The following NUFIP1 variants were observed in gnomAD, a reference collection of about 807,000 sequenced individuals.
NUFIP1 encodes the protein FMR1-interacting protein NUFIP1.
A neutral mutation model predicts 56.2 loss-of-function variants in NUFIP1; 38 were observed. The ratio of observed to expected loss-of-function variants is 0.68; its 90% confidence interval spans 0.52 to 0.89. The LOEUF is 0.89. NUFIP1 is among the 40% of genes least tolerant of loss of function. The pLI, the probability that NUFIP1 is intolerant of heterozygous loss-of-function variation, is 0.00. For synonymous variants in NUFIP1, 215 were observed against 212.4 expected (o/e 1.01, Z -0.10); for missense variants, 567 against 605.8 (o/e 0.94, Z 0.67).
chr13:44,971,891 G>A (rs1871817139), intron 5 of NUFIP1, among the ~76,000 whole-genome samples: 1 of 148,068 alleles, frequency 6.8e-6, no homozygotes, highest in Non-Finnish European at 1.5e-5. Flanking sequence ...CTGTCATGCA[G>A]CAACAGCAGC....
intron 6 of NUFIP1, among the ~76,000 whole-genome samples, chr13:44,964,628 GAA>G (rs1258704267): frequency 1.3e-5 from 2 of 152,070 alleles, no homozygotes; most frequent in African/African-American, 4.8e-5. Flanking sequence ...GAAAGAGAGA[GAA>G]CTCTAGAGAT....
Position 44,989,028 on chromosome 13 carries a change from C to T in NUFIP1, c.409G>A (p.Ala137Thr). Residue 137 changes from alanine to threonine, a missense_variant, in exon 1 of 10, where the codon GCA becomes ACA. Ala to Thr is a moderately conservative substitution (Grantham distance 58, BLOSUM62 0). Coordinates refer to ENST00000379161, the MANE Select transcript of NUFIP1 (RefSeq NM_012345.3). The part of the protein sequence containing the change: ...FPRHQKSFNP[A>T]VKNSYYPRKY... The stretch of plus-strand genomic sequence containing the variant: ...CTCACGTGGAAAAATAGCCTACCTG[C>T]AGGGTTGAAGGACTTCTGATGCCGA... 1 of 1,613,718 alleles carries T rather than the reference C, an allele frequency of 6.2e-7. No homozygotes were observed. The highest frequency in any genetic ancestry group is 8.5e-7 in the Non-Finnish European group (1 of 1,179,938).
chr13:44,970,000 G>A (rs1871747739), intron 5 of NUFIP1, among the ~76,000 whole-genome samples: 1 of 152,174 alleles, frequency 6.6e-6, no homozygotes. Context: ...ATGAACCAGG[G>A]AAACAAAAGG....
At chr13:44,978,486 T>C (rs1872066399) in intron 5 of NUFIP1, among the ~76,000 whole-genome samples, 1 of 152,194 alleles carries the variant, frequency 6.6e-6, no homozygotes, top group African/African-American at 2.4e-5. Flanking sequence ...GGATGAAGTG[T>C]TCTAGTATTT....
Position 44,988,491 on chromosome 13 carries a change from C to T in NUFIP1, c.412+534G>A, listed in dbSNP as rs186882066. On this transcript the variant is annotated intron_variant, in intron 1 of 9. Coordinates refer to ENST00000379161, the MANE Select transcript of NUFIP1 (RefSeq NM_012345.3). ...AAAAAAGAAAATCCTGCACTACTTA[C>T]CATTCTTCTTTGTTTTATCTCTCTC... is the stretch of plus-strand genomic sequence containing the variant. Among the ~76,000 whole-genome samples the T allele has an allele frequency of 7.9e-5, 12 of 152,310 alleles. No individual in the cohort carries two copies. In the East Asian group the frequency reaches 1.9e-3, roughly 24 times the overall value.
At chr13:44,965,223 T>C (rs927631685) in intron 6 of NUFIP1, among the ~76,000 whole-genome samples, 1 of 152,234 alleles carries the variant, frequency 6.6e-6, no homozygotes, top group African/African-American at 2.4e-5. Flanking sequence ...CCATAGAAGA[T>C]GTGACTTGCC....
Position 44,982,170 on chromosome 13 carries a change from T to A in NUFIP1, c.413-16A>T. 1 of 1,175,108 alleles carries A rather than the reference T, an allele frequency of 8.5e-7. No homozygotes were observed. Among genetic ancestry groups the A allele is most frequent in the Non-Finnish European group, 1.2e-6 (1 of 855,622 alleles). The allele number at this position is 1,175,108 out of a possible 1,614,324, so 72.8% of individuals were successfully genotyped here. On this transcript the variant is annotated splice_polypyrimidine_tract_variant and intron_variant, in intron 1 of 9. Coordinates refer to ENST00000379161, the MANE Select transcript of NUFIP1 (RefSeq NM_012345.3). ...GAATTTTTAACTAAAAAAAAAAAGA[T>A]CCATAAATGTTTGCAACAATGTAAT...
chr13:44,948,022 C>A (rs1424888833), intron 8 of NUFIP1, among the ~76,000 whole-genome samples: 1 of 152,144 alleles, frequency 6.6e-6, no homozygotes, highest in Non-Finnish European at 1.5e-5. Context: ...CATGTAAACA[C>A]CATTTTTCAT....
intron 9 of NUFIP1, among the ~76,000 whole-genome samples, chr13:44,943,225 T>C (rs1300709876): frequency 6.6e-6 from 1 of 152,200 alleles, no homozygotes; most frequent in Non-Finnish European, 1.5e-5. Context: ...CCTAAATTTA[T>C]TTTAAGTGGT....
Position 44,965,835 on chromosome 13 carries a change from G to A in NUFIP1, c.827+9C>T. The A allele has an allele frequency of 6.6e-7, 1 of 1,525,496 alleles. No individual in the cohort carries two copies. Among genetic ancestry groups the A allele is most frequent in the Non-Finnish European group, 8.9e-7 (1 of 1,122,416 alleles). The allele number at this position is 1,525,496 out of a possible 1,614,324, so 94.5% of individuals were successfully genotyped here. The stretch of plus-strand genomic sequence containing the variant: ...TCCTTTTCATTATTCATAAGCATAA[G>A]GAGCTTACCCATATTGTGTTGTTGT... On this transcript the variant is annotated intron_variant, in intron 6 of 9. Transcript: ENST00000379161.
chr13:44,974,545 G>A (rs1478607562), intron 5 of NUFIP1, among the ~76,000 whole-genome samples: 1 of 152,096 alleles, frequency 6.6e-6, no homozygotes, highest in African/African-American at 2.4e-5. Flanking sequence ...AAGGGCACTG[G>A]AAATTTGTTT....
At chr13:44,969,532 A>G (rs1035677951) in intron 5 of NUFIP1, among the ~76,000 whole-genome samples, 1 of 152,206 alleles carries the variant, frequency 6.6e-6, no homozygotes, top group Non-Finnish European at 1.5e-5. Context: ...AAATTTTCAC[A>G]GTTGGTTTTT....
chr13:44,983,997 T>C lies in NUFIP1; in HGVS notation c.413-1843A>G, dbSNP rs377640084. The stretch of plus-strand genomic sequence containing the variant: ...GTCATACTCTGTTATGGCAGCACAA[T>C]AGGGACTAAGACAGCTTCCTAGAGA... On this transcript the variant is annotated intron_variant, in intron 1 of 9. Coordinates refer to ENST00000379161, the MANE Select transcript of NUFIP1 (RefSeq NM_012345.3). 2.0e-4 allele frequency among the ~76,000 whole-genome samples: 31 copies of C among 152,258 alleles called. No homozygotes were observed. In the East Asian group the frequency reaches 4.1e-3, roughly 20 times the overall value.
At chr13:44,974,440 T>A (rs912598644) in intron 5 of NUFIP1, among the ~76,000 whole-genome samples, 1 of 152,194 alleles carries the variant, frequency 6.6e-6, no homozygotes, top group East Asian at 1.9e-4. Context: ...CTGGTAGAGA[T>A]CACAGTGAGC....
Position 44,989,126 on chromosome 13 carries a change from T to G in NUFIP1, c.311A>C (p.Gln104Pro). Residue 104 changes from glutamine (Q) to proline (P), a missense_variant, in exon 1 of 10, where the codon CAA becomes CCA. Coordinates refer to ENST00000379161, the MANE Select transcript of NUFIP1 (RefSeq NM_012345.3). The part of the protein sequence containing the change: ...DAQSPLDSQP[Q>P]PSGQPWNFHA... ...GAAATTCCAAGGCTGGCCGCTGGGT[T>G]GAGGCTGAGAATCAAGGGGAGACTG... is the stretch of plus-strand genomic sequence containing the variant. 1 of 1,614,060 alleles carries G rather than the reference T, an allele frequency of 6.2e-7. No homozygotes were observed. The highest frequency in any genetic ancestry group is 8.5e-7 in the Non-Finnish European group (1 of 1,179,992).
At chr13:44,964,046 T>C (rs1871512670) in intron 6 of NUFIP1, among the ~76,000 whole-genome samples, 1 of 152,164 alleles carries the variant, frequency 6.6e-6, no homozygotes, top group Non-Finnish European at 1.5e-5. Flanking sequence ...AATTCATATG[T>C]GAAAAAGTTT....
At position 44,949,689 on chromosome 13, in the gene NUFIP1, C is replaced by CAAAA. The variant is rs1290598505; in HGVS notation, c.1138+29_1138+32dup. On this transcript the variant is annotated intron_variant, in intron 8 of 9. Coordinates refer to ENST00000379161, the MANE Select transcript of NUFIP1 (RefSeq NM_012345.3). ...GCACAAAAGGCAAAAAGCAACAAAA[C>CAAAA]AAAACCCTGTAACAACACACACCAT... The CAAAA allele has an allele frequency of 6.4e-6, 9 of 1,409,332 alleles. No homozygotes were observed. The African/African-American group carries it at 1.3e-4, about 20-fold the overall frequency. The allele number at this position is 1,409,332 out of a possible 1,614,324, so 87.3% of individuals were successfully genotyped here.
intron 1 of NUFIP1, among the ~76,000 whole-genome samples, chr13:44,987,381 TAAAA>T (rs965217237): frequency 4.0e-5 from 6 of 150,372 alleles, no homozygotes; most frequent in East Asian, 1.9e-4. Context: ...CTCAACAAAT[TAAAA>T]AAAAAAATAA....
intron 7 of NUFIP1, among the ~76,000 whole-genome samples, chr13:44,956,551 T>C (rs1871249867): frequency 6.6e-6 from 1 of 152,190 alleles, no homozygotes; most frequent in South Asian, 2.1e-4. Context: ...CTGAGCTGTT[T>C]TCCTGCAACT....
Sources: allele counts gnomAD v4.1 joint callset (sites outside exome capture counted in the v4.1 genomes callset), GRCh38; gene constraint gnomAD v4.1.1; transcripts MANE v1.5; gene names NCBI Gene and HGNC (gene_info 2026-07-23, HGNC 2026-07-21).